The following LRRC4C variants were observed in gnomAD, a reference collection of about 807,000 sequenced individuals.
LRRC4C encodes the protein leucine rich repeat containing 4C.
A neutral mutation model predicts 33.6 loss-of-function variants in LRRC4C; 5 were observed. The observed-to-expected ratio is 0.15, with a 90% CI of 0.08 to 0.31. LRRC4C has a LOEUF of 0.31. LRRC4C is among the 10% of genes least tolerant of loss of function. The pLI, the probability that LRRC4C is intolerant of heterozygous loss-of-function variation, is 1.00. For synonymous variants in LRRC4C, 329 were observed against 302.0 expected, an observed-to-expected ratio of 1.09 and a Z score of -0.93; for missense variants, 560 against 796.7, an observed-to-expected ratio of 0.70 and a Z score of 3.58.
rs529822119 is a variant in LRRC4C, at chr11:40,404,280, C to G, written c.-269-84559G>C. On this transcript the variant is annotated intron_variant, in intron 3 of 6. Transcript: ENST00000528697. ...CTAAGATGCAAGATTCTGGCTGAGA[C>G]CAGCAGGAGGCAACTCAGCTGAGCC... is the stretch of plus-strand genomic sequence containing the variant. 8.5e-5 allele frequency among the ~76,000 whole-genome samples: 13 copies of G among 152,244 alleles called. No individual in the cohort carries two copies. The South Asian group carries it at 1.0e-3, about 12-fold the overall frequency.
At chr11:40,183,912 G>A (rs1861208464) in intron 5 of LRRC4C, among the ~76,000 whole-genome samples, 1 of 152,140 alleles carries the variant, frequency 6.6e-6, no homozygotes, top group Non-Finnish European at 1.5e-5. Flanking sequence ...TCCTTGAGAG[G>A]GGTCAAGAGT....
chr11:41,208,581 G>C lies in LRRC4C; in HGVS notation c.-496+250850C>G, dbSNP rs113935215. ...ATACCAGCAGAAATACTTCCCACAGGGGCTATCAGGAGTAGAAACAATGCA... is the reference window on the plus strand; with the variant it reads ...ATACCAGCAGAAATACTTCCCACAGCGGCTATCAGGAGTAGAAACAATGCA... On this transcript the variant is annotated intron_variant, in intron 1 of 6. Coordinates refer to ENST00000528697, the MANE Select transcript of LRRC4C (RefSeq NM_001258419.2). Among the ~76,000 whole-genome samples the C allele has an allele frequency of 7.8e-3, 1,181 of 152,230 alleles. 17 individuals are homozygous for C. Among genetic ancestry groups the C allele is most frequent in the African/African-American group, 0.026 (1,092 of 41,538 alleles).
chr11:41,055,124 A>G (rs1279975040), intron 1 of LRRC4C, among the ~76,000 whole-genome samples: 3 of 152,168 alleles, frequency 2.0e-5, no homozygotes, highest in Non-Finnish European at 4.4e-5. Flanking sequence ...CTCAGAGGTT[A>G]TCATTATCCT....
At position 40,646,003 on chromosome 11, in the gene LRRC4C, G is replaced by C. The variant is rs189333141; in HGVS notation, c.-270+2139C>G. ...CCTGCATCCAGGATATCCACTTCCT[G>C]TAATTACTACCTTTATGATTCCTCA... On this transcript the variant is annotated intron_variant, in intron 3 of 6. Transcript: ENST00000528697. 1.4e-3 allele frequency among the ~76,000 whole-genome samples: 215 copies of C among 149,458 alleles called. No homozygotes were observed. In the Middle Eastern group the frequency reaches 0.025, roughly 18 times the overall value.
At chr11:40,625,105 AT>A (rs1480571468) in intron 3 of LRRC4C, among the ~76,000 whole-genome samples, 1 of 152,162 alleles carries the variant, frequency 6.6e-6, no homozygotes, top group Non-Finnish European at 1.5e-5. Context: ...ACAAAGAAAC[AT>A]TTTAAGTAGG....
intron 4 of LRRC4C, among the ~76,000 whole-genome samples, chr11:40,291,934 T>C (rs1183854977): frequency 6.6e-6 from 1 of 151,226 alleles, no homozygotes; most frequent in Non-Finnish European, 1.5e-5. Flanking sequence ...TGGGGAGCTT[T>C]TTTTTTTTTT....
chr11:40,326,877 T>C (rs1003497996), intron 3 of LRRC4C, among the ~76,000 whole-genome samples: 1 of 152,150 alleles, frequency 6.6e-6, no homozygotes, highest in African/African-American at 2.4e-5. Context: ...AAAGGTAAGA[T>C]TGAGTGCAGA....
intron 2 of LRRC4C, among the ~76,000 whole-genome samples, chr11:40,707,401 T>A (rs2136545839): frequency 6.6e-6 from 1 of 152,360 alleles, no homozygotes; most frequent in Middle Eastern, 3.4e-3. Flanking sequence ...CCTAGTTTAT[T>A]GACAGTCTTT....
rs117428379 is a variant in LRRC4C at position 41,312,149 on chromosome 11, A to T, written c.-496+147282T>A. Among the ~76,000 whole-genome samples, 417 of 152,262 alleles carry T rather than the reference A, an allele frequency of 2.7e-3. 1 individual carries two copies. The highest frequency in any genetic ancestry group is 4.9e-3 in the Non-Finnish European group (330 of 68,014). On this transcript the variant is annotated intron_variant, in intron 1 of 6. Coordinates refer to ENST00000528697, the MANE Select transcript of LRRC4C (RefSeq NM_001258419.2). The stretch of plus-strand genomic sequence containing the variant: ...GACCAAAAAGGAGAAAGAAACCAGG[A>T]ATTAGCCAGTTTGATTATGTTTCCT...
At chr11:41,188,460 A>C (rs1159615228) in intron 1 of LRRC4C, among the ~76,000 whole-genome samples, 1 of 152,086 alleles carries the variant, frequency 6.6e-6, no homozygotes, top group African/African-American at 2.4e-5. Context: ...ACTACCTGGA[A>C]GCCAATCCCA....
At chr11:40,467,878 A>AT (rs998996293) in intron 3 of LRRC4C, among the ~76,000 whole-genome samples, 23 of 152,106 alleles carry the variant, frequency 1.5e-4, no homozygotes, top group Admixed American at 9.2e-4. Context: ...AATCACTGCC[A>AT]TTTTTTATTT....
intron 5 of LRRC4C, among the ~76,000 whole-genome samples, chr11:40,154,081 T>C (rs1198072638): frequency 6.6e-6 from 1 of 152,076 alleles, no homozygotes; most frequent in Non-Finnish European, 1.5e-5. Context: ...GAACAGCAGA[T>C]TTCTCAGCAT....
At chr11:40,686,781 T>G (rs767996552) in intron 2 of LRRC4C, among the ~76,000 whole-genome samples, 4 of 152,108 alleles carry the variant, frequency 2.6e-5, no homozygotes, top group Non-Finnish European at 5.9e-5. Flanking sequence ...TATAACCATA[T>G]TATAGGGTAC....
At chr11:41,149,800 G>A (rs981217472) in intron 1 of LRRC4C, among the ~76,000 whole-genome samples, 4 of 152,084 alleles carry the variant, frequency 2.6e-5, no homozygotes, top group African/African-American at 9.7e-5. Flanking sequence ...CAGCAAACAG[G>A]AGTTAAGAGT....
chr11:40,870,822 A>C (rs1954599726), intron 2 of LRRC4C, among the ~76,000 whole-genome samples: 1 of 152,216 alleles, frequency 6.6e-6, no homozygotes, highest in South Asian at 2.1e-4. Flanking sequence ...TGAAAAAAGA[A>C]CAAGATGACA....
intron 2 of LRRC4C, among the ~76,000 whole-genome samples, chr11:40,924,832 T>C (rs556147625): frequency 6.6e-6 from 1 of 152,054 alleles, no homozygotes; most frequent in Non-Finnish European, 1.5e-5. Flanking sequence ...TAAGAAAATA[T>C]AGATGAGAAA....
intron 2 of LRRC4C, among the ~76,000 whole-genome samples, chr11:40,792,347 C>A (rs1950661795): frequency 6.6e-6 from 1 of 151,744 alleles, no homozygotes; most frequent in African/African-American, 2.4e-5. Flanking sequence ...GACATGCAGA[C>A]TGGTGTAAAA....
intron 1 of LRRC4C, among the ~76,000 whole-genome samples, chr11:41,054,265 T>C (rs192174768): frequency 1.3e-5 from 2 of 152,240 alleles, no homozygotes; most frequent in Admixed American, 1.3e-4. Context: ...GTGAATAGTG[T>C]GGAAATTCTC....
At chr11:41,111,347 G>T (rs935531101) in intron 1 of LRRC4C, among the ~76,000 whole-genome samples, 2 of 151,966 alleles carry the variant, frequency 1.3e-5, no homozygotes, top group African/African-American at 4.8e-5. Flanking sequence ...ACATACAAAA[G>T]GCAGACACAG....
Sources: gnomAD v4.1 joint callset for allele counts (sites outside exome capture counted in the v4.1 genomes callset) on GRCh38, gnomAD v4.1.1 for gene constraint, MANE v1.5 for transcripts, NCBI Gene and HGNC (gene_info 2026-07-23, HGNC 2026-07-21) for gene names.